NRDC: variants seen among roughly 807,000 people sequenced by gnomAD.
NRDC encodes nardilysin.
Under a neutral mutation model 147.1 loss-of-function variants are expected in NRDC, and 54 were observed. The observed-to-expected ratio is 0.37, with a 90% CI of 0.29 to 0.46. The LOEUF (loss-of-function observed/expected upper bound fraction) is 0.46. NRDC is among the 20% of genes least tolerant of loss of function. The pLI is 1.00. For synonymous variants in NRDC, 440 were observed against 482.1 expected (o/e 0.91, Z 1.14); for missense variants, 1,082 against 1,370.6 (o/e 0.79, Z 3.33).
chr1:51,867,373 A>G (rs955968360), intron 1 of NRDC, among the ~76,000 whole-genome samples: 1 of 152,204 alleles, frequency 6.6e-6, no homozygotes, highest in Non-Finnish European at 1.5e-5. Flanking sequence ...ACAATGCACA[A>G]GTAAATTTAT....
In NRDC at chr1:51,878,394, C is replaced by A; in HGVS notation, c.222G>T (p.Glu74Asp). ...DLQPNGQDLGENSRVARLGAD... is the reference protein window; with the variant it reads ...DLQPNGQDLGDNSRVARLGAD... ...CTCCTAGACGGGCAACCCGGCTGTT[C>A]TCGCCCAGATCCTGTCCATTGGGCT... Residue 74 changes from glutamate to aspartate, a missense_variant, in exon 1 of 31, where the codon GAG becomes GAT. Glu to Asp is a conservative substitution (Grantham distance 45). Around this residue, in one of 3 missense-constraint regions of NRDC, gnomAD observed 260 missense variants for 253.2 expected, o/e 1.03. Transcript: ENST00000352171. 1 of 1,614,194 alleles carries A rather than the reference C, an allele frequency of 6.2e-7. No individual in the cohort carries two copies. Among genetic ancestry groups the A allele is most frequent in the Non-Finnish European group, 8.5e-7 (1 of 1,180,048 alleles).
intron 21 of NRDC, chr1:51,798,645 A>G: frequency 2.6e-6 from 1 of 390,472 alleles, no homozygotes; most frequent in African/African-American, 2.0e-5. Flanking sequence ...TACCTGTCTC[A>G]GTTGCAGGGT....
At chr1:51,821,676 T>G in intron 7 of NRDC, 121 bp from the exon 8 acceptor site, 8 of 684,072 alleles carry the variant, frequency 1.2e-5, no homozygotes, top group Non-Finnish European at 1.8e-5. Flanking sequence ...AATTTGGCCA[T>G]TACTTGCCAC....
At chr1:51,832,168 T>C (rs982593376) in intron 4 of NRDC, among the ~76,000 whole-genome samples, 3 of 152,054 alleles carry the variant, frequency 2.0e-5, no homozygotes, top group Non-Finnish European at 4.4e-5. Context: ...TGTCTCAGCC[T>C]CCCAAGTAGC....
intron 15 of NRDC, 144 bp from the exon 16 acceptor site, chr1:51,810,548 A>C: frequency 1.5e-6 from 1 of 664,762 alleles, no homozygotes; most frequent in East Asian, 3.1e-5. Flanking sequence ...CCTAATTTAC[A>C]AAGTCTCAAC....
intron 9 of NRDC, 88 bp from the exon 10 acceptor site, chr1:51,818,223 C>T: frequency 1.2e-6 from 1 of 853,804 alleles, no homozygotes; most frequent in Non-Finnish European, 1.8e-6. Context: ...ATATATTTAT[C>T]CTCCAATAAA....
chr1:51,831,654 C>T (rs879450146), intron 4 of NRDC, among the ~76,000 whole-genome samples: 6 of 151,640 alleles, frequency 4.0e-5, no homozygotes, highest in Non-Finnish European at 7.4e-5. Flanking sequence ...TCTCAGCTCA[C>T]TGCAACCTCC....
chr1:51,822,929 G>A (rs1040119949), intron 7 of NRDC, among the ~76,000 whole-genome samples: 2 of 152,120 alleles, frequency 1.3e-5, no homozygotes, highest in African/African-American at 4.8e-5. Context: ...ATAAAAAGGG[G>A]AATCACATTA....
intron 2 of NRDC, among the ~76,000 whole-genome samples, chr1:51,839,544 C>T (rs191110017): frequency 1.6e-3 from 241 of 152,274 alleles, no homozygotes; most frequent in Non-Finnish European, 2.5e-3. Context: ...GTACTCCCTA[C>T]TATGAAAATG....
intron 3 of NRDC, among the ~76,000 whole-genome samples, chr1:51,834,652 ACTTT>A (rs1571881722): frequency 6.6e-6 from 1 of 152,028 alleles, no homozygotes; most frequent in East Asian, 1.9e-4. Context: ...TGATTTTGTA[ACTTT>A]CTATTATGCT....
chr1:51,806,726 T>C (rs1679481447), intron 18 of NRDC, 68 bp downstream of exon 18: 1 of 1,482,148 alleles, frequency 6.7e-7, no homozygotes, highest in Middle Eastern at 1.8e-4. Context: ...GATAATCACA[T>C]GTGAAACAGA....
intron 1 of NRDC, among the ~76,000 whole-genome samples, chr1:51,848,999 T>C (rs1370896751): frequency 4.6e-5 from 7 of 152,148 alleles, no homozygotes; most frequent in Admixed American, 1.3e-4. Context: ...CACTAAACAG[T>C]CATACTATAT....
Position 51,810,350 on chromosome 1 carries a change from G to T in NRDC, c.1834C>A (p.Leu612Met). The change falls in exon 16 of 31, where the codon CTG (leucine) becomes ATG (methionine). Residue 612 changes from leucine (L) to methionine (M), a missense_variant. Leu to Met is a conservative substitution (Grantham distance 15). Coordinates refer to ENST00000352171, the MANE Select transcript of NRDC (RefSeq NM_001101662.2). Reference protein sequence around the residue: ...LVPQKANLVLLSGANEGKCDL... With the variant: ...LVPQKANLVLMSGANEGKCDL... ...CATTTTCCCTCATTAGCACCAGACA[G>T]TAAAACAAGATTTGCTTTTTGAGGA... 6.2e-7 allele frequency: 1 copy of T among 1,611,754 alleles called. No individual in the cohort carries two copies. The highest frequency in any genetic ancestry group is 8.5e-7 in the Non-Finnish European group (1 of 1,178,504).
At chr1:51,798,197 C>A in intron 22 of NRDC, 52 bp downstream of exon 22, 2 of 1,568,868 alleles carry the variant, frequency 1.3e-6, no homozygotes, top group Non-Finnish European at 8.7e-7. Context: ...TATGGCAATT[C>A]CAGAGTTCAC....
At chr1:51,843,579 G>C (rs1401041664) in intron 1 of NRDC, among the ~76,000 whole-genome samples, 1 of 152,104 alleles carries the variant, frequency 6.6e-6, no homozygotes, top group Non-Finnish European at 1.5e-5. Context: ...AACTCATTCT[G>C]AGTATCTCCC....
intron 27 of NRDC, 123 bp downstream of exon 27, chr1:51,791,455 T>C (rs1678649982): frequency 4.0e-6 from 3 of 748,038 alleles, no homozygotes; most frequent in Non-Finnish European, 2.4e-6. Context: ...TCTTCCCAGC[T>C]TCCACTGACT....
chr1:51,795,070 C>T, intron 22 of NRDC: 5 of 1,459,356 alleles, frequency 3.4e-6, no homozygotes, highest in Non-Finnish European at 3.6e-6. Context: ...TTCTGGCTCT[C>T]TTGGCAATCT....
intron 20 of NRDC, 24 bp downstream of exon 20, chr1:51,803,790 G>A: frequency 6.3e-7 from 1 of 1,595,620 alleles, no homozygotes; most frequent in Non-Finnish European, 8.6e-7. Flanking sequence ...CTCTCTATAA[G>A]GAAAACAGAG....
intron 1 of NRDC, among the ~76,000 whole-genome samples, chr1:51,858,053 T>C (rs7536376): frequency 0.045 from 6,859 of 152,272 alleles, 495 homozygotes; most frequent in African/African-American, 0.16. Context: ...AAAATTACAA[T>C]GGACCGTTCC....
Sources: allele counts gnomAD v4.1 joint callset (sites outside exome capture counted in the v4.1 genomes callset), GRCh38; gene constraint gnomAD v4.1.1; regional missense constraint gnomAD v4.1.1; transcripts MANE v1.5; gene names NCBI Gene and HGNC (gene_info 2026-07-23, HGNC 2026-07-21).